Variants in KCNK1 observed in about 807,000 individuals in gnomAD.
KCNK1 encodes potassium channel subfamily K member 1.
In KCNK1, 10 loss-of-function variants were observed where a neutral mutation model predicts 22.2. The ratio of observed to expected loss-of-function variants is 0.45; its 90% CI spans 0.28 to 0.76. The LOEUF (loss-of-function observed/expected upper bound fraction) is 0.76, where lower values mean the gene tolerates loss of function less well. Among genes scored for constraint, KCNK1 ranks in the 30% least tolerant of loss-of-function variants. The pLI, the probability that KCNK1 is intolerant of heterozygous loss-of-function variation, is 0.14. For synonymous variants in KCNK1, 200 were observed against 186.4 expected (o/e 1.07, Z -0.60); for missense variants, 378 against 421.0 (o/e 0.90, Z 0.89).
intron 1 of KCNK1, among the ~76,000 whole-genome samples, chr1:233,619,162 C>A (rs931621812): frequency 6.6e-6 from 1 of 152,054 alleles, no homozygotes; most frequent in Non-Finnish European, 1.5e-5. Flanking sequence ...GGACTACAGG[C>A]GCACACCACC....
chr1:233,618,579 A>G (rs1238267091), intron 1 of KCNK1, among the ~76,000 whole-genome samples: 1 of 152,212 alleles, frequency 6.6e-6, no homozygotes, highest in Admixed American at 6.5e-5. Flanking sequence ...TATGATGACA[A>G]CTGTTGGGTA....
rs1225010491 is a variant in KCNK1, at chr1:233,666,700, A to G, written c.461A>G (p.Gln154Arg). The change falls in exon 2 of 3, where the codon CAG (glutamine) becomes CGG (arginine). Residue 154 changes from glutamine to arginine, a missense_variant. Physicochemically the swap from Gln to Arg is conservative, Grantham distance 43. Coordinates refer to ENST00000366621, the MANE Select transcript of KCNK1 (RefSeq NM_002245.4). ...CTCCTGTTCCTGACGGCTGTGGTCCAGCGCATCACCGTGCACGTCACCCGC... is the reference window on the plus strand; with the variant it reads ...CTCCTGTTCCTGACGGCTGTGGTCCGGCGCATCACCGTGCACGTCACCCGC... Reference protein sequence around the residue: ...FTLLFLTAVVQRITVHVTRRP... With the variant: ...FTLLFLTAVVRRITVHVTRRP... 5 of 1,613,970 alleles carry G rather than the reference A, an allele frequency of 3.1e-6. No individual in the cohort carries two copies. The highest frequency in any genetic ancestry group is 1.3e-5 in the African/African-American group (1 of 74,888).
chr1:233,658,599 G>A (rs924928425), intron 1 of KCNK1, among the ~76,000 whole-genome samples: 2 of 152,166 alleles, frequency 1.3e-5, no homozygotes, highest in Admixed American at 1.3e-4. Flanking sequence ...ACAGGGATAC[G>A]TTCTGAGAAA....
intron 1 of KCNK1, among the ~76,000 whole-genome samples, chr1:233,620,362 G>C (rs1386564681): frequency 6.6e-6 from 1 of 152,208 alleles, no homozygotes; most frequent in Non-Finnish European, 1.5e-5. Flanking sequence ...GAAACTTTGT[G>C]TAAGAAAGTT....
chr1:233,614,598 C>A, intron 1 of KCNK1, 72 bp downstream of exon 1: 1 of 1,255,870 alleles, frequency 8.0e-7, no homozygotes, highest in Non-Finnish European at 1.1e-6. Context: ...GGCCCCGGCG[C>A]CCCGGGCCCC....
chr1:233,618,038 C>T (rs1470337605), intron 1 of KCNK1, among the ~76,000 whole-genome samples: 1 of 152,178 alleles, frequency 6.6e-6, no homozygotes, highest in Non-Finnish European at 1.5e-5. Flanking sequence ...TCTGTGTCTT[C>T]AAAGATAGAG....
Position 233,638,994 on chromosome 1 carries a change from G to C in KCNK1, c.355+24468G>C, listed in dbSNP as rs117570886. Among the ~76,000 whole-genome samples, 67 of 152,290 alleles carry C rather than the reference G, an allele frequency of 4.4e-4. No individual in the cohort carries two copies. In the East Asian group the frequency reaches 0.01, roughly 24 times the overall value. On this transcript the variant is annotated intron_variant, in intron 1 of 2. Coordinates refer to ENST00000366621, the MANE Select transcript of KCNK1 (RefSeq NM_002245.4). ...TAAAAAATAAGCCTAGGGATGATTAGGTTCCTCTGATCCAAGTCTTTGGAA... is the reference window on the plus strand; with the variant it reads ...TAAAAAATAAGCCTAGGGATGATTACGTTCCTCTGATCCAAGTCTTTGGAA...
At chr1:233,624,177 A>G (rs1657645490) in intron 1 of KCNK1, 1 of 154,252 alleles carries the variant, frequency 6.5e-6, no homozygotes, top group Non-Finnish European at 1.5e-5. Context: ...TTATTTAGAC[A>G]ATGGTTTCAT....
chr1:233,662,094 T>G (rs528442423), intron 1 of KCNK1, among the ~76,000 whole-genome samples: 1 of 152,178 alleles, frequency 6.6e-6, no homozygotes. Context: ...GGGAAAGAGA[T>G]AATTAATAAG....
In KCNK1 at chr1:233,614,401, A is replaced by G; in HGVS notation, c.230A>G (p.Gln77Arg). The part of the protein sequence containing the change: ...HECLSEQQLE[Q>R]FLGRVLEASN... ...TGCCTGTCTGAGCAGCAGCTGGAGC[A>G]GTTCCTGGGCCGGGTGCTGGAGGCC... The change falls in exon 1 of 3, where the codon CAG (glutamine) becomes CGG (arginine). Residue 77 changes from glutamine to arginine, a missense_variant. By Grantham distance (43) the Gln-to-Arg change is conservative. Coordinates refer to ENST00000366621, the MANE Select transcript of KCNK1 (RefSeq NM_002245.4). The G allele has an allele frequency of 6.2e-7, 1 of 1,612,044 alleles. No individual in the cohort carries two copies. The highest frequency in any genetic ancestry group is 2.2e-5 in the East Asian group (1 of 44,818).
intron 1 of KCNK1, among the ~76,000 whole-genome samples, chr1:233,653,131 C>T (rs1337987219): frequency 1.3e-5 from 2 of 152,200 alleles, no homozygotes; most frequent in Non-Finnish European, 2.9e-5. Context: ...TATTCCAAAG[C>T]TTGCTGAAAT....
At chr1:233,625,687 T>A (rs1264482223) in intron 1 of KCNK1, among the ~76,000 whole-genome samples, 1 of 151,934 alleles carries the variant, frequency 6.6e-6, no homozygotes. Context: ...GTGTGATTAG[T>A]GTATGGTGAA....
intron 1 of KCNK1, among the ~76,000 whole-genome samples, chr1:233,623,635 C>A (rs1657631896): frequency 6.6e-6 from 1 of 152,228 alleles, no homozygotes; most frequent in African/African-American, 2.4e-5. Context: ...GTCACCCAGG[C>A]TGGAGTGCAG....
At position 233,666,989 on chromosome 1, in the gene KCNK1, G is replaced by A. The variant is rs773349901; in HGVS notation, c.750G>A (p.Thr250=). Residue 250 remains threonine (T), a splice_region_variant and synonymous_variant, in exon 2 of 3, where the codon ACG becomes ACA. Coordinates refer to ENST00000366621, the MANE Select transcript of KCNK1 (RefSeq NM_002245.4). ...KFRELYKIGI[T]CYLLLGLIAM... ...GAGAGCTCTATAAGATTGGGATCAC[G>A]TGTGAGTATTACAGCTCCCTGGCTG... 2.3e-5 allele frequency: 37 copies of A among 1,601,958 alleles called. No homozygotes were observed. Among genetic ancestry groups the A allele is most frequent in the Admixed American group, 5.2e-5 (3 of 57,822 alleles).
At chr1:233,649,226 G>A (rs939536689) in intron 1 of KCNK1, among the ~76,000 whole-genome samples, 4 of 152,154 alleles carry the variant, frequency 2.6e-5, no homozygotes, top group African/African-American at 9.7e-5. Flanking sequence ...TACTCCTCAG[G>A]GAAAGTTAGC....
At chr1:233,645,732 G>T (rs904763467) in intron 1 of KCNK1, among the ~76,000 whole-genome samples, 1 of 152,136 alleles carries the variant, frequency 6.6e-6, no homozygotes, top group South Asian at 2.1e-4. Flanking sequence ...TAGGCTTGGC[G>T]TACATTAGGG....
chr1:233,626,128 C>T (rs1042032806), intron 1 of KCNK1, among the ~76,000 whole-genome samples: 16 of 151,770 alleles, frequency 1.1e-4, no homozygotes, highest in Non-Finnish European at 1.3e-4. Flanking sequence ...ATCGGACCAC[C>T]GATGCCTCTC....
Position 233,614,477 on chromosome 1 carries a change from G to A in KCNK1, c.306G>A (p.Trp102Ter). The A allele has an allele frequency of 6.2e-7, 1 of 1,612,788 alleles. No homozygotes were observed. ...GCAACGCCTCGGGCAACTGGAACTGGGACTTCACCTCCGCGCTCTTCTTCG... is the reference window on the plus strand; with the variant it reads ...GCAACGCCTCGGGCAACTGGAACTGAGACTTCACCTCCGCGCTCTTCTTCG... Reference protein sequence around the residue: ...VLSNASGNWNWDFTSALFFAS... With the variant: ...VLSNASGNWN The change falls in exon 1 of 3, where the codon TGG becomes TGA. Residue 102 changes from tryptophan to a stop codon, truncating the protein, a stop_gained. Coordinates refer to ENST00000366621, the MANE Select transcript of KCNK1 (RefSeq NM_002245.4). LOFTEE classifies it high-confidence loss of function.
chr1:233,629,421 A>G (rs1657750115), intron 1 of KCNK1: 1 of 152,244 alleles, frequency 6.6e-6, no homozygotes, highest in African/African-American at 2.4e-5. Context: ...ACACCCATCC[A>G]GAAGTGGAAG....
Sources: gnomAD v4.1 joint callset for allele counts (sites outside exome capture counted in the v4.1 genomes callset) on GRCh38, gnomAD v4.1.1 for gene constraint, MANE v1.5 for transcripts, NCBI Gene and HGNC (gene_info 2026-07-23, HGNC 2026-07-21) for gene names.